The following PARG variants were observed in gnomAD, a reference collection of about 807,000 sequenced individuals.
PARG encodes the protein mitochondrial poly(ADP-ribose) glycohydrolase.
Under a neutral mutation model 113.0 loss-of-function variants are expected in PARG, and 35 were observed. That is an observed-to-expected ratio of 0.31 (90% CI 0.24 to 0.41). The LOEUF (loss-of-function observed/expected upper bound fraction) is 0.41, where lower values mean the gene tolerates loss of function less well. PARG is among the 10% of genes least tolerant of loss of function. The pLI is 1.00. For synonymous variants in PARG, 330 were observed against 409.9 expected (o/e 0.81, Z 2.36); for missense variants, 797 against 1,169.4 (o/e 0.68, Z 4.64).
At chr10:49,911,890 A>G (rs1212382908) in intron 7 of PARG, among the ~76,000 whole-genome samples, 3 of 152,254 alleles carry the variant, frequency 2.0e-5, no homozygotes, top group Admixed American at 2.0e-4. Flanking sequence ...GATAAATATC[A>G]ACAGCTTCAA....
intron 1 of PARG, among the ~76,000 whole-genome samples, chr10:49,939,066 C>T (rs1359165369): frequency 1.3e-5 from 2 of 152,058 alleles, no homozygotes; most frequent in Non-Finnish European, 2.9e-5. Context: ...ACTGCCCTCA[C>T]CCCTATTTGC....
Position 49,879,717 on chromosome 10 carries a change from C to T in PARG, c.1944G>A (p.Lys648=). The change falls in exon 9 of 18, where the codon AAG becomes AAA. Residue 648 remains lysine, a synonymous_variant. Transcript: ENST00000616448. Reference sequence around the variant, plus strand: ...GGTAACTAGAATACTCCGATTTCATCTTAGCATTTCGTCGTGGAAATGTGC... The same window carrying T: ...GGTAACTAGAATACTCCGATTTCATTTTAGCATTTCGTCGTGGAAATGTGC... ...FFCTFPRRNA[K]MKSEYSSYPD... 1 of 1,575,998 alleles carries T rather than the reference C, an allele frequency of 6.3e-7. No individual in the cohort carries two copies. The highest frequency in any genetic ancestry group is 8.6e-7 in the Non-Finnish European group (1 of 1,159,862).
At chr10:49,860,089 T>C (rs1405719566) in intron 12 of PARG, among the ~76,000 whole-genome samples, 1 of 152,222 alleles carries the variant, frequency 6.6e-6, no homozygotes, top group Non-Finnish European at 1.5e-5. Context: ...AGGAGCTCTG[T>C]AGCATTGCAA....
At chr10:49,849,254 A>C (rs1349890385) in intron 13 of PARG, among the ~76,000 whole-genome samples, 7 of 152,046 alleles carry the variant, frequency 4.6e-5, no homozygotes, top group Non-Finnish European at 7.4e-5. Context: ...CTCAAAATTC[A>C]GCAAGCTGTT....
chr10:49,837,237 AATT>A (rs1242421902), intron 15 of PARG, among the ~76,000 whole-genome samples: 1 of 152,256 alleles, frequency 6.6e-6, no homozygotes, highest in South Asian at 2.1e-4. Flanking sequence ...TTGGCTTTTC[AATT>A]ATTAACTGGT....
intron 15 of PARG, among the ~76,000 whole-genome samples, chr10:49,835,753 A>G (rs1554830986): frequency 6.6e-6 from 1 of 152,064 alleles, no homozygotes; most frequent in East Asian, 1.9e-4. Context: ...ATAAGATTTT[A>G]CACTTAAGTA....
At chr10:49,894,181 G>C (rs1329415669) in intron 7 of PARG, among the ~76,000 whole-genome samples, 9 of 150,848 alleles carry the variant, frequency 6.0e-5, no homozygotes, top group African/African-American at 1.9e-4. Flanking sequence ...CCACAGGCAT[G>C]TGCCACCATG....
chr10:49,920,460 AAAAATATAT>A (rs1837739970), intron 6 of PARG, among the ~76,000 whole-genome samples: 1 of 53,576 alleles, frequency 1.9e-5, no homozygotes, highest in African/African-American at 7.9e-5. Flanking sequence ...TTAAAAAAAA[AAAAATATAT>A]ATATATATAT....
chr10:49,922,377 T>C lies in PARG; in HGVS notation c.1621A>G (p.Thr541Ala). 1 of 1,606,810 alleles carries C rather than the reference T, an allele frequency of 6.2e-7. No individual in the cohort carries two copies. The highest frequency in any genetic ancestry group is 8.5e-7 in the Non-Finnish European group (1 of 1,177,464). Reference sequence around the variant, plus strand: ...CGTGTAAATTTGTTGAGAAGTGCAGTCTGAATGAGCTCCCACCGGCTCCCC... The same window carrying C: ...CGTGTAAATTTGTTGAGAAGTGCAGCCTGAATGAGCTCCCACCGGCTCCCC... ...TAGSRWELIQTALLNKFTRPQ... is the reference protein window; with the variant it reads ...TAGSRWELIQAALLNKFTRPQ... The change falls in exon 6 of 18, where the codon ACT becomes GCT. Residue 541 changes from threonine to alanine, a missense_variant. Transcript: ENST00000616448.
intron 4 of PARG, among the ~76,000 whole-genome samples, chr10:49,927,004 G>T (rs1385980896): frequency 5.9e-5 from 9 of 151,964 alleles, no homozygotes; most frequent in Admixed American, 1.3e-4. Flanking sequence ...TAGTAACACC[G>T]CAACTTAAGA....
chr10:49,820,000 A>T (rs1843992251), intron 17 of PARG, among the ~76,000 whole-genome samples, 165 bp downstream of exon 17: 1 of 152,202 alleles, frequency 6.6e-6, no homozygotes, highest in African/African-American at 2.4e-5. Context: ...TGCCAGAACA[A>T]AAAGACTCTG....
intron 7 of PARG, among the ~76,000 whole-genome samples, chr10:49,891,619 ATATATTTTTT>A (rs544163529): frequency 0.046 from 2,031 of 43,840 alleles, 15 homozygotes; most frequent in East Asian, 0.15. Context: ...ATATATATAT[ATATATTTTTT>A]TTTTTTTTTT....
At chr10:49,859,153 A>AG (rs1846135320) in intron 12 of PARG, among the ~76,000 whole-genome samples, 1 of 149,426 alleles carries the variant, frequency 6.7e-6, no homozygotes, top group Non-Finnish European at 1.5e-5. Context: ...ACAGGGCAAA[A>AG]AAAAAAAACA....
chr10:49,920,660 G>A (rs568381761), intron 6 of PARG, among the ~76,000 whole-genome samples: 1 of 148,020 alleles, frequency 6.8e-6, no homozygotes, highest in East Asian at 2.0e-4. Context: ...GTATATATAT[G>A]GAGTTTATAT....
chr10:49,847,356 A>T (rs1845562348), intron 13 of PARG, among the ~76,000 whole-genome samples: 3 of 151,568 alleles, frequency 2.0e-5, no homozygotes, highest in Admixed American at 2.0e-4. Flanking sequence ...GGTCAACCCA[A>T]CTTAACCAAG....
At chr10:49,889,451 T>G (rs2941170) in intron 7 of PARG, among the ~76,000 whole-genome samples, 214 of 152,272 alleles carry the variant, frequency 1.4e-3, no homozygotes, top group Middle Eastern at 6.8e-3. Flanking sequence ...AGAGGTACCT[T>G]GATAGTGCTG....
At chr10:49,857,181 T>C (rs1554835198) in intron 13 of PARG, 125 bp downstream of exon 13, 1 of 573,618 alleles carries the variant, frequency 1.7e-6, no homozygotes, top group South Asian at 2.3e-5. Context: ...TATAAATTAA[T>C]GGATAAAAAT....
intron 16 of PARG, among the ~76,000 whole-genome samples, chr10:49,827,317 T>G (rs577845386): frequency 6.6e-6 from 1 of 152,310 alleles, no homozygotes; most frequent in East Asian, 1.9e-4. Context: ...TTTTAGGTAC[T>G]GAAGGTAGGG....
chr10:49,834,820 A>G (rs1433961133), intron 15 of PARG, among the ~76,000 whole-genome samples: 1 of 152,174 alleles, frequency 6.6e-6, no homozygotes, highest in African/African-American at 2.4e-5. Flanking sequence ...AGCCTGGGTG[A>G]CAGTGAACTC....
Sources: gnomAD v4.1 joint callset for allele counts (sites outside exome capture counted in the v4.1 genomes callset) on GRCh38, gnomAD v4.1.1 for gene constraint, MANE v1.5 for transcripts, NCBI Gene and HGNC (gene_info 2026-07-23, HGNC 2026-07-21) for gene names.